Variants in SLC17A4 observed in about 807,000 individuals in gnomAD.
SLC17A4 encodes solute carrier family 17 member 4.
SLC17A4 carries 33 observed loss-of-function variants against 52.5 expected under a neutral mutation model. The ratio of observed to expected loss-of-function variants is 0.63; its 90% CI spans 0.48 to 0.84. The LOEUF is 0.84. SLC17A4 is among the 40% of genes least tolerant of loss of function. The pLI, the probability that SLC17A4 is intolerant of heterozygous loss-of-function variation, is 0.00. For synonymous variants in SLC17A4, 225 were observed against 216.2 expected (o/e 1.04, Z -0.36); for missense variants, 585 against 597.1 (o/e 0.98, Z 0.21).
intron 6 of SLC17A4, among the ~76,000 whole-genome samples, chr6:25,771,818 G>A (rs1317334798): frequency 6.6e-6 from 1 of 152,212 alleles, no homozygotes; most frequent in African/African-American, 2.4e-5. Flanking sequence ...GTGAGGTTCA[G>A]AAGTGGACAT....
At chr6:25,778,394 T>C (rs541694457) in intron 11 of SLC17A4, among the ~76,000 whole-genome samples, 1 of 152,166 alleles carries the variant, frequency 6.6e-6, no homozygotes, top group South Asian at 2.1e-4. Flanking sequence ...AAGAGTATTC[T>C]TTATGAAATC....
In SLC17A4 at chr6:25,769,181, T is replaced by C. The variant is rs1292782908; in HGVS notation, c.288T>C (p.Phe96=). ...ACTGGAATGAAACTCTAAAAGAATT[T>C]AAAGCAATGGTAAGTTTAATGAGAC... The part of the protein sequence containing the change: ...QGYWNETLKE[F]KAMAPAYDWS... Residue 96 remains phenylalanine (F), a synonymous_variant, in exon 3 of 12, where the codon TTT becomes TTC. Coordinates refer to ENST00000377905, the MANE Select transcript of SLC17A4 (RefSeq NM_005495.3). 2 of 1,613,712 alleles carry C rather than the reference T, an allele frequency of 1.2e-6. No individual in the cohort carries two copies. Among genetic ancestry groups the C allele is most frequent in the Non-Finnish European group, 8.5e-7 (1 of 1,179,720 alleles).
intron 4 of SLC17A4, 23 bp downstream of exon 4, chr6:25,770,323 T>A (rs200323915): frequency 6.2e-7 from 1 of 1,613,826 alleles, no homozygotes; most frequent in African/African-American, 1.3e-5. Context: ...TTTCCAGGTA[T>A]AAGTGGAATA....
Position 25,773,586 on chromosome 6 carries a change from C to A in SLC17A4, c.899C>A (p.Ser300Tyr), listed in dbSNP as rs1225302043. The A allele has an allele frequency of 6.2e-7, 1 of 1,613,990 alleles. No homozygotes were observed. Among genetic ancestry groups the A allele is most frequent in the Non-Finnish European group, 8.5e-7 (1 of 1,179,922 alleles). ...TTACCACTCTGGGCCATTTTAGTCT[C>A]TTATTTCTGTGAATACTGGCTTTTT... ...KSLPLWAILV[S>Y]YFCEYWLFYT... Residue 300 changes from serine to tyrosine, a missense_variant, in exon 8 of 12, where the codon TCT becomes TAT. Physicochemically the swap from Ser to Tyr is moderately radical, Grantham distance 144. Coordinates refer to ENST00000377905, the MANE Select transcript of SLC17A4 (RefSeq NM_005495.3).
intron 1 of SLC17A4, among the ~76,000 whole-genome samples, chr6:25,759,783 T>G (rs966853984): frequency 6.6e-6 from 1 of 150,514 alleles, no homozygotes; most frequent in African/African-American, 2.5e-5. Flanking sequence ...TAGGTGAATC[T>G]CTTGAAGACT....
chr6:25,772,171 C>T (rs1762534040), intron 6 of SLC17A4, among the ~76,000 whole-genome samples: 1 of 152,064 alleles, frequency 6.6e-6, no homozygotes, highest in Non-Finnish European at 1.5e-5. Context: ...TTTGAAAGGG[C>T]AGGTTACAAA....
chr6:25,762,188 C>A, intron 2 of SLC17A4, 135 bp downstream of exon 2: 1 of 677,274 alleles, frequency 1.5e-6, no homozygotes, highest in Non-Finnish European at 2.5e-6. Flanking sequence ...CACCAATTGC[C>A]AATAATTCTA....
rs766642305 is a variant in SLC17A4, at chr6:25,770,400, G to A, written c.548G>A (p.Gly183Asp). 1.9e-6 allele frequency: 3 copies of A among 1,614,048 alleles called. No individual in the cohort carries two copies. The Admixed American group carries it at 5.0e-5, about 27-fold the overall frequency. The change falls in exon 5 of 12, where the codon GGT becomes GAT. Residue 183 changes from glycine (G) to aspartate (D), a missense_variant. By Grantham distance (94) the Gly-to-Asp change is moderately conservative (BLOSUM62 -1). Transcript: ENST00000377905. ...TCCCCCCAGGTTATGGTATTAACTG[G>A]TCAGTATTCAATTTGGGTCAAATGG... is the stretch of plus-strand genomic sequence containing the variant. ...QGIAQVMVLTGQYSIWVKWAP... is the reference protein window; with the variant it reads ...QGIAQVMVLTDQYSIWVKWAP...
chr6:25,774,431 G>A (rs1451289783), intron 8 of SLC17A4, among the ~76,000 whole-genome samples: 1 of 152,158 alleles, frequency 6.6e-6, no homozygotes, highest in Non-Finnish European at 1.5e-5. Flanking sequence ...GGTTCCTCTG[G>A]TGAAAATGTG....
At chr6:25,771,075 T>C in intron 6 of SLC17A4, 63 bp downstream of exon 6, 3 of 1,328,892 alleles carry the variant, frequency 2.3e-6, no homozygotes, top group South Asian at 2.3e-5. Flanking sequence ...AATTTATCTA[T>C]GGTTAACCAA....
chr6:25,767,194 G>A (rs1306331739), intron 2 of SLC17A4, among the ~76,000 whole-genome samples: 1 of 152,020 alleles, frequency 6.6e-6, no homozygotes, highest in East Asian at 1.9e-4. Flanking sequence ...AACAAAGCTA[G>A]TATAGCAAAA....
intron 5 of SLC17A4, 76 bp from the exon 6 acceptor site, chr6:25,770,850 A>G (rs1370097686): frequency 8.7e-7 from 1 of 1,143,350 alleles, no homozygotes; most frequent in East Asian, 2.3e-5. Context: ...TCACTGTGCA[A>G]CTCAGCATTG....
chr6:25,758,104 C>T (rs1761180916), intron 1 of SLC17A4, among the ~76,000 whole-genome samples: 1 of 152,132 alleles, frequency 6.6e-6, no homozygotes, highest in Admixed American at 6.5e-5. Context: ...AGCCTCAGAC[C>T]AAGAGTCACC....
intron 3 of SLC17A4, 27 bp from the exon 4 acceptor site, chr6:25,770,040 C>T (rs955900185): frequency 2.5e-6 from 4 of 1,600,240 alleles, no homozygotes; most frequent in Admixed American, 3.3e-5. Context: ...CAACTAAAGA[C>T]AAACAGTAAC....
intron 8 of SLC17A4, among the ~76,000 whole-genome samples, chr6:25,775,111 T>C (rs1762792416): frequency 6.6e-6 from 1 of 152,090 alleles, no homozygotes; most frequent in Non-Finnish European, 1.5e-5. Context: ...AGGTGGATCA[T>C]CTGAGGTCAG....
At chr6:25,761,212 C>G (rs1761499365) in intron 1 of SLC17A4, among the ~76,000 whole-genome samples, 1 of 152,194 alleles carries the variant, frequency 6.6e-6, no homozygotes, top group South Asian at 2.1e-4. Flanking sequence ...ATTTTCAAAC[C>G]ATAACTCAGG....
At chr6:25,770,800 A>C (rs983414635) in intron 5 of SLC17A4, 126 bp from the exon 6 acceptor site, 1 of 747,248 alleles carries the variant, frequency 1.3e-6, no homozygotes, top group African/African-American at 1.7e-5. Context: ...TTACCAAGTG[A>C]AGGAACCTAG....
In SLC17A4 at chr6:25,770,845, G is replaced by A. The variant is rs1416220331; in HGVS notation, c.620-81G>A. On this transcript the variant is annotated intron_variant, in intron 5 of 11. Coordinates refer to ENST00000377905, the MANE Select transcript of SLC17A4 (RefSeq NM_005495.3). ...CTTGAAACTCATACCTTCACTCACTGTGCAACTCAGCATTGTAGAAAGCAC... is the reference window on the plus strand; with the variant it reads ...CTTGAAACTCATACCTTCACTCACTATGCAACTCAGCATTGTAGAAAGCAC... The A allele has an allele frequency of 1.8e-5, 19 of 1,081,854 alleles. No homozygotes were observed. In the East Asian group the frequency reaches 4.2e-4, roughly 24 times the overall value. 67.0% of individuals were successfully genotyped at this position (1,081,854 alleles called of 1,614,324 possible). A position where few individuals can be genotyped will look rare whatever the true frequency, so the allele number is the denominator to read the frequency against.
chr6:25,756,563 C>T (rs374687293), intron 1 of SLC17A4, among the ~76,000 whole-genome samples: 38 of 152,276 alleles, frequency 2.5e-4, no homozygotes, highest in African/African-American at 7.7e-4. Context: ...GCCTGCATCA[C>T]GCTGTCCCCA....
Sources: allele counts gnomAD v4.1 joint callset (sites outside exome capture counted in the v4.1 genomes callset), GRCh38; gene constraint gnomAD v4.1.1; transcripts MANE v1.5; gene names NCBI Gene and HGNC (gene_info 2026-07-23, HGNC 2026-07-21).